PTPRZ1: variants seen among roughly 807,000 people sequenced by gnomAD.
PTPRZ1 encodes protein tyrosine phosphatase receptor type Z1.
In PTPRZ1, 82 loss-of-function variants were observed where a neutral mutation model predicts 214.1. The ratio of observed to expected loss-of-function variants is 0.38; its 90% CI spans 0.32 to 0.46. The LOEUF is 0.46. PTPRZ1 is among the 20% of genes least tolerant of loss of function. The pLI, the probability that PTPRZ1 is intolerant of heterozygous loss-of-function variation, is 1.00. For synonymous variants in PTPRZ1, 945 were observed against 987.9 expected (o/e 0.96, Z 0.81); for missense variants, 2,603 against 2,748.7 (o/e 0.95, Z 1.19).
chr7:122,060,668 T>G (rs1429451761), intron 29 of PTPRZ1, among the ~76,000 whole-genome samples: 1 of 152,188 alleles, frequency 6.6e-6, no homozygotes, highest in Non-Finnish European at 1.5e-5. Context: ...AGTACAGTCA[T>G]TCCTGAGATC....
At chr7:121,958,768 C>T (rs1286293154) in intron 2 of PTPRZ1, among the ~76,000 whole-genome samples, 2 of 152,174 alleles carry the variant, frequency 1.3e-5, no homozygotes, top group Non-Finnish European at 2.9e-5. Flanking sequence ...CCCTTCCTCA[C>T]TCCCAAATAA....
At chr7:122,033,211 C>T (rs1394155123) in intron 15 of PTPRZ1, among the ~76,000 whole-genome samples, 1 of 151,914 alleles carries the variant, frequency 6.6e-6, no homozygotes, top group Non-Finnish European at 1.5e-5. Context: ...AGCTTAGTAA[C>T]TAATAGCGTT....
intron 13 of PTPRZ1, among the ~76,000 whole-genome samples, chr7:122,024,981 A>G (rs1429514067): frequency 1.2e-4 from 18 of 152,140 alleles, no homozygotes; most frequent in South Asian, 2.1e-4. Context: ...AGTTATCCCA[A>G]TTGAGGCTAA....
At chr7:121,997,678 A>C (rs1373878002) in intron 9 of PTPRZ1, among the ~76,000 whole-genome samples, 1 of 151,928 alleles carries the variant, frequency 6.6e-6, no homozygotes, top group African/African-American at 2.4e-5. Context: ...AAAAAAAAAA[A>C]AAAAGCCTAG....
At chr7:121,965,894 T>A (rs1292907060) in intron 2 of PTPRZ1, among the ~76,000 whole-genome samples, 1 of 152,224 alleles carries the variant, frequency 6.6e-6, no homozygotes, top group Non-Finnish European at 1.5e-5. Context: ...TTTGTTAAAA[T>A]GTAGATTCAG....
At chr7:121,947,257 TA>T (rs10706102) in intron 2 of PTPRZ1, among the ~76,000 whole-genome samples, 36,712 of 144,872 alleles carry the variant, frequency 0.25, 4,671 homozygotes, top group African/African-American at 0.32. Context: ...TTTAAAATTA[TA>T]AAAAAAAAAA....
intron 6 of PTPRZ1, among the ~76,000 whole-genome samples, chr7:121,983,408 C>T (rs1490648129): frequency 5.9e-5 from 9 of 152,204 alleles, no homozygotes; most frequent in Non-Finnish European, 2.9e-5. Flanking sequence ...CATCTGATTT[C>T]TGAGTATTTT....
In PTPRZ1 at chr7:122,053,777, A is replaced by T. The variant is rs936418265; in HGVS notation, c.6253-133A>T. On this transcript the variant is annotated intron_variant, in intron 25 of 29. Coordinates refer to ENST00000393386, the MANE Select transcript of PTPRZ1 (RefSeq NM_002851.3). ...CCAGTAAGCATTGGCTATAATAATC[A>T]TATTACTACATATAGACACAATCTG... 1.2e-4 allele frequency: 133 copies of T among 1,077,840 alleles called. No homozygotes were observed. In the African/African-American group the frequency reaches 1.7e-3, roughly 13 times the overall value. 66.8% of individuals were successfully genotyped at this position (1,077,840 alleles called of 1,614,324 possible). A position where few individuals can be genotyped will look rare whatever the true frequency, so the allele number is the denominator to read the frequency against.
intron 6 of PTPRZ1, among the ~76,000 whole-genome samples, chr7:121,979,535 T>C (rs910717191): frequency 6.6e-6 from 1 of 152,196 alleles, no homozygotes; most frequent in Non-Finnish European, 1.5e-5. Flanking sequence ...TTGTCCTAAG[T>C]AATAGGAGCT....
At chr7:122,032,080 C>G (rs1268587528) in intron 15 of PTPRZ1, 1 of 151,970 alleles carries the variant, frequency 6.6e-6, no homozygotes, top group Non-Finnish European at 1.5e-5. Context: ...TAAGTTTTTT[C>G]CAATGATATT....
At chr7:121,873,783 C>T (rs1263160844) in intron 1 of PTPRZ1, among the ~76,000 whole-genome samples, 2 of 152,148 alleles carry the variant, frequency 1.3e-5, no homozygotes, top group Non-Finnish European at 2.9e-5. Context: ...CATCGGCCCG[C>T]GGGCATTCGT....
chr7:121,988,280 G>A (rs1168837712), intron 8 of PTPRZ1, among the ~76,000 whole-genome samples: 2 of 151,782 alleles, frequency 1.3e-5, no homozygotes, highest in Non-Finnish European at 2.9e-5. Context: ...TTTTTTTCTG[G>A]TTACATAGAC....
chr7:122,059,638 A>T, intron 28 of PTPRZ1, 115 bp from the exon 29 acceptor site: 1 of 1,179,636 alleles, frequency 8.5e-7, no homozygotes, highest in Non-Finnish European at 1.2e-6. Flanking sequence ...ACAATTCATT[A>T]AAAGTTTCAG....
intron 1 of PTPRZ1, among the ~76,000 whole-genome samples, chr7:121,903,422 G>A (rs1383245157): frequency 6.6e-6 from 1 of 152,126 alleles, no homozygotes; most frequent in Non-Finnish European, 1.5e-5. Context: ...GGCTTCTACT[G>A]TTGGTAAAGC....
chr7:121,957,167 C>T (rs951201426), intron 2 of PTPRZ1, among the ~76,000 whole-genome samples: 5 of 152,156 alleles, frequency 3.3e-5, no homozygotes, highest in African/African-American at 1.2e-4. Flanking sequence ...CCTCTGGGTA[C>T]CTTCTGTCCC....
chr7:122,037,112 A>C (rs1377879299), intron 18 of PTPRZ1, among the ~76,000 whole-genome samples: 1 of 152,002 alleles, frequency 6.6e-6, no homozygotes, highest in Non-Finnish European at 1.5e-5. Flanking sequence ...CTCTACTAAA[A>C]ATACAAAAAA....
intron 1 of PTPRZ1, among the ~76,000 whole-genome samples, chr7:121,874,410 C>T (rs1374880621): frequency 2.6e-5 from 4 of 152,076 alleles, no homozygotes; most frequent in Admixed American, 6.5e-5. Flanking sequence ...TAAAGAAATG[C>T]TTTTTTTCCT....
chr7:121,894,112 G>C (rs1381667776), intron 1 of PTPRZ1, among the ~76,000 whole-genome samples: 4 of 152,074 alleles, frequency 2.6e-5, no homozygotes, highest in African/African-American at 9.7e-5. Context: ...CTGCCACAAA[G>C]TTAGGCATAT....
At position 122,013,697 on chromosome 7, in the gene PTPRZ1, T is replaced by G; in HGVS notation, c.4651T>G (p.Ser1551Ala). Residue 1551 changes from serine (S) to alanine (A), a missense_variant, in exon 12 of 30, where the codon TCA (serine) becomes GCA (alanine). By Grantham distance (99) the Ser-to-Ala change is moderately conservative. Transcript: ENST00000393386. ...AVLTSDEESG[S>A]GQGTSDSLNE... is the part of the protein sequence containing the mutation. ...TCTGACAAGTGATGAAGAAAGTGGATCAGGGCAAGGTACCTCAGATAGCCT... is the reference window on the plus strand; with the variant it reads ...TCTGACAAGTGATGAAGAAAGTGGAGCAGGGCAAGGTACCTCAGATAGCCT... 1.9e-6 allele frequency: 3 copies of G among 1,614,210 alleles called. No individual in the cohort carries two copies. Among genetic ancestry groups the G allele is most frequent in the Non-Finnish European group, 2.5e-6 (3 of 1,180,040 alleles).
Sources: gnomAD v4.1 joint callset for allele counts (sites outside exome capture counted in the v4.1 genomes callset) on GRCh38, gnomAD v4.1.1 for gene constraint, MANE v1.5 for transcripts, NCBI Gene and HGNC (gene_info 2026-07-23, HGNC 2026-07-21) for gene names.